The following MED15 variants were observed in gnomAD, a reference collection of about 807,000 sequenced individuals.
MED15 encodes mediator of RNA polymerase II transcription subunit 15.
A neutral mutation model predicts 118.7 loss-of-function variants in MED15; 41 were observed. The ratio of observed to expected loss-of-function variants is 0.35; its 90% CI spans 0.27 to 0.45. The LOEUF is 0.45. Ranked by LOEUF, MED15 falls within the 20% of genes least tolerant of loss-of-function variation. The pLI, the probability that MED15 is intolerant of heterozygous loss-of-function variation, is 1.00. For missense variants in MED15, 740 were observed against 1,025.5 expected, an observed-to-expected ratio of 0.72 and a Z score of 3.80; for synonymous variants, 436 against 413.9, an observed-to-expected ratio of 1.05 and a Z score of -0.65.
At chr22:20,561,904 T>A (rs1318246214) in intron 5 of MED15, among the ~76,000 whole-genome samples, 2 of 152,124 alleles carry the variant, frequency 1.3e-5, no homozygotes, top group Non-Finnish European at 2.9e-5. Flanking sequence ...GGTAAGAGGA[T>A]CACTTGAGCC....
intron 1 of MED15, among the ~76,000 whole-genome samples, chr22:20,531,865 CG>C (rs1023536474): frequency 2.6e-5 from 4 of 152,200 alleles, no homozygotes; most frequent in African/African-American, 9.7e-5. Flanking sequence ...TCTGTGCAGC[CG>C]ACAGCAGGGG....
chr22:20,521,088 ATTTTTTTTTT>A (rs924603121), intron 1 of MED15, among the ~76,000 whole-genome samples: 14 of 61,500 alleles, frequency 2.3e-4, no homozygotes, highest in African/African-American at 9.3e-4. Context: ...CAGTTGTTCT[ATTTTTTTTTT>A]TTTTTTTTTT....
Position 20,565,404 on chromosome 22 carries a change from G to A in MED15, c.690+716G>A, listed in dbSNP as rs1354346154. The stretch of plus-strand genomic sequence containing the variant: ...TGTTTACCTCTGTGTCTTGGGTTCT[G>A]GGCTCAGTGTTAGTCGACCTCCAGC... On this transcript the variant is annotated intron_variant, in intron 6 of 17. Transcript: ENST00000263205. Among the ~76,000 whole-genome samples the A allele has an allele frequency of 3.3e-5, 5 of 152,352 alleles. No individual in the cohort carries two copies. The East Asian group carries it at 9.6e-4, about 29-fold the overall frequency.
chr22:20,556,727 C>T (rs1328913054), intron 5 of MED15, among the ~76,000 whole-genome samples: 1 of 152,162 alleles, frequency 6.6e-6, no homozygotes, highest in African/African-American at 2.4e-5. Flanking sequence ...GTTCCATTAC[C>T]ACCAACCAAC....
chr22:20,511,982 T>G lies in MED15; in HGVS notation c.68+4236T>G, dbSNP rs553804239. Among the ~76,000 whole-genome samples the G allele has an allele frequency of 3.0e-3, 418 of 138,068 alleles. 2 individuals are homozygous for G. Among genetic ancestry groups the G allele is most frequent in the Middle Eastern group, 7.1e-3 (2 of 282 alleles). 90.6% of individuals were successfully genotyped at this position (138,068 alleles called of 152,430 possible). A position where few individuals can be genotyped will look rare whatever the true frequency, so the allele number is the denominator to read the frequency against. ...TCTGGTCTTTCAGCTTCTTGAACAT[T>G]CTAAGCTTTTTTTTTTTTTTTTTGG... On this transcript the variant is annotated intron_variant, in intron 1 of 17. Coordinates refer to ENST00000263205, the MANE Select transcript of MED15 (RefSeq NM_001003891.3).
chr22:20,519,297 C>T (rs1041640449), intron 1 of MED15, among the ~76,000 whole-genome samples: 2 of 152,166 alleles, frequency 1.3e-5, no homozygotes, highest in African/African-American at 4.8e-5. Context: ...TCTTTCTAGT[C>T]TAGGTGCAGG....
chr22:20,528,540 C>G (rs940938951), intron 1 of MED15, among the ~76,000 whole-genome samples: 1 of 152,210 alleles, frequency 6.6e-6, no homozygotes, highest in Non-Finnish European at 1.5e-5. Flanking sequence ...TGCTTGCACA[C>G]CCTCTGCTCA....
At chr22:20,551,980 C>T (rs990637259) in intron 3 of MED15, among the ~76,000 whole-genome samples, 3 of 152,210 alleles carry the variant, frequency 2.0e-5, no homozygotes, top group African/African-American at 7.2e-5. Context: ...TCACGTTGTG[C>T]CTCCTCTGAT....
intron 2 of MED15, 117 bp from the exon 3 acceptor site, chr22:20,551,319 A>G (rs776671578): frequency 1.1e-6 from 1 of 929,666 alleles, no homozygotes; most frequent in Admixed American, 1.7e-5. Context: ...AAGCGTCTGA[A>G]TCTGCCTTGC....
intron 9 of MED15, among the ~76,000 whole-genome samples, chr22:20,578,427 G>A (rs1327211882): frequency 2.0e-5 from 3 of 152,256 alleles, no homozygotes; most frequent in Non-Finnish European, 4.4e-5. Flanking sequence ...CTCTACGTCC[G>A]GCTGCAGTAC....
chr22:20,521,695 C>CTTAT (rs60248748), intron 1 of MED15, among the ~76,000 whole-genome samples: 23,759 of 140,718 alleles, frequency 0.17, 2,583 homozygotes, highest in Admixed American at 0.33. Flanking sequence ...TGCGCCTGGC[C>CTTAT]TTATTTATTT....
At chr22:20,518,782 G>A (rs571812608) in intron 1 of MED15, 4 of 431,752 alleles carry the variant, frequency 9.3e-6, no homozygotes, top group South Asian at 3.4e-5. Flanking sequence ...TGCCTAAACC[G>A]TTCTGAACTT....
intron 1 of MED15, among the ~76,000 whole-genome samples, chr22:20,527,210 C>T (rs2054675991): frequency 6.6e-6 from 1 of 152,042 alleles, no homozygotes; most frequent in African/African-American, 2.4e-5. Context: ...GTTTAATGTT[C>T]ACTCTTTGGG....
chr22:20,514,159 C>G (rs2054174583), intron 1 of MED15, among the ~76,000 whole-genome samples: 1 of 152,210 alleles, frequency 6.6e-6, no homozygotes, highest in Admixed American at 6.5e-5. Context: ...AGCCACCGTG[C>G]TTGCCTTTGT....
intron 2 of MED15, among the ~76,000 whole-genome samples, chr22:20,547,546 G>A (rs1258098872): frequency 1.3e-5 from 2 of 152,170 alleles, no homozygotes; most frequent in Admixed American, 6.6e-5. Context: ...TTGGCCAGGC[G>A]TGGTGGCTCA....
chr22:20,536,021 C>T (rs1047148920), intron 1 of MED15, among the ~76,000 whole-genome samples: 4 of 151,980 alleles, frequency 2.6e-5, no homozygotes, highest in African/African-American at 7.2e-5. Flanking sequence ...AGATTACAGG[C>T]ATGCGCAACC....
Position 20,583,904 on chromosome 22 carries a change from C to CTGT in MED15, c.1737-453_1737-452insTTG, listed in dbSNP as rs561514010. 1.7e-4 allele frequency: 41 copies of CTGT among 237,126 alleles called. 1 individual carries two copies. In the South Asian group the frequency reaches 2.7e-3, roughly 16 times the overall value. 14.7% of individuals were successfully genotyped at this position (237,126 alleles called of 1,614,324 possible). Reference sequence around the variant, plus strand: ...TCAGAGCTCGGGCAGTACCTCCAAACTGCATGGGCATTGGCATATACCTCC... The same window carrying CTGT: ...TCAGAGCTCGGGCAGTACCTCCAAACTGTTGCATGGGCATTGGCATATACCTCC... On this transcript the variant is annotated intron_variant, in intron 13 of 17. Transcript: ENST00000263205.
intron 1 of MED15, among the ~76,000 whole-genome samples, chr22:20,517,488 G>A (rs539563284): frequency 1.3e-5 from 2 of 152,158 alleles, no homozygotes; most frequent in Non-Finnish European, 2.9e-5. Context: ...TCTCCAAGGA[G>A]ACTGGGCCTT....
intron 1 of MED15, 146 bp from the exon 2 acceptor site, chr22:20,536,971 G>A: frequency 1.6e-6 from 1 of 616,064 alleles, no homozygotes; most frequent in East Asian, 3.0e-5. Flanking sequence ...CTTCCCATAT[G>A]CCTCTCCTGG....
Sources: gnomAD v4.1 joint callset for allele counts (sites outside exome capture counted in the v4.1 genomes callset) on GRCh38, gnomAD v4.1.1 for gene constraint, MANE v1.5 for transcripts, NCBI Gene and HGNC (gene_info 2026-07-23, HGNC 2026-07-21) for gene names.